The following ADAMTS6 variants were observed in gnomAD, a reference collection of about 807,000 sequenced individuals.
The protein encoded by ADAMTS6 is A disintegrin and metalloproteinase with thrombospondin motifs 6.
Under a neutral mutation model 144.3 loss-of-function variants are expected in ADAMTS6, and 23 were observed. The observed-to-expected ratio is 0.16, with a 90% CI of 0.11 to 0.23. The LOEUF (loss-of-function observed/expected upper bound fraction) is 0.23, where lower values mean the gene tolerates loss of function less well. Ranked by LOEUF, ADAMTS6 falls within the 10% of genes least tolerant of loss-of-function variation. The pLI is 1.00. For synonymous variants in ADAMTS6, 444 were observed against 457.5 expected, an observed-to-expected ratio of 0.97 and a Z score of 0.38; for missense variants, 999 against 1,379.6, an observed-to-expected ratio of 0.72 and a Z score of 4.37.
intron 15 of ADAMTS6, 70 bp from the exon 16 acceptor site, chr5:65,226,289 A>G: frequency 6.7e-7 from 1 of 1,496,820 alleles, no homozygotes; most frequent in Non-Finnish European, 9.1e-7. Flanking sequence ...AGTATTATCT[A>G]TGGCAAATTT....
chr5:65,466,451 C>T (rs1022119465), intron 3 of ADAMTS6, among the ~76,000 whole-genome samples: 1 of 152,176 alleles, frequency 6.6e-6, no homozygotes, highest in Admixed American at 6.5e-5. Flanking sequence ...CACTACCCAA[C>T]GTATTATAGT....
At chr5:65,432,539 A>C (rs534384695) in intron 7 of ADAMTS6, among the ~76,000 whole-genome samples, 5 of 151,780 alleles carry the variant, frequency 3.3e-5, no homozygotes, top group Non-Finnish European at 5.9e-5. Flanking sequence ...CACACACACA[A>C]AATCTATTCT....
chr5:65,393,816 G>T (rs886536270), intron 7 of ADAMTS6, among the ~76,000 whole-genome samples: 2 of 152,188 alleles, frequency 1.3e-5, no homozygotes, highest in Non-Finnish European at 2.9e-5. Context: ...TTTCCAAAAT[G>T]ATGTTGATTT....
chr5:65,231,101 TA>T (rs79867757), intron 15 of ADAMTS6, among the ~76,000 whole-genome samples: 12 of 151,050 alleles, frequency 7.9e-5, no homozygotes, highest in South Asian at 4.2e-4. Context: ...GAATTTTTTT[TA>T]AAAAAAAACA....
chr5:65,408,640 C>T (rs901720541), intron 7 of ADAMTS6, among the ~76,000 whole-genome samples: 1 of 152,126 alleles, frequency 6.6e-6, no homozygotes, highest in African/African-American at 2.4e-5. Flanking sequence ...AGCTCTGCAC[C>T]AAGCAGACCT....
chr5:65,239,138 A>G (rs573813883), intron 15 of ADAMTS6, among the ~76,000 whole-genome samples: 2 of 152,088 alleles, frequency 1.3e-5, no homozygotes, highest in African/African-American at 2.4e-5. Flanking sequence ...GAGGGGGGAG[A>G]GATAGCATTA....
chr5:65,369,818 T>C (rs913547681), intron 7 of ADAMTS6, among the ~76,000 whole-genome samples: 3 of 152,176 alleles, frequency 2.0e-5, no homozygotes, highest in Admixed American at 6.5e-5. Flanking sequence ...ATTGATACAT[T>C]TTCTCTTGCT....
chr5:65,196,166 C>T (rs554203905), intron 21 of ADAMTS6, among the ~76,000 whole-genome samples: 13 of 152,160 alleles, frequency 8.5e-5, no homozygotes, highest in Non-Finnish European at 1.8e-4. Flanking sequence ...TGCCTTACAA[C>T]AACAGAACTT....
chr5:65,182,538 C>T (rs1359533012), intron 22 of ADAMTS6, among the ~76,000 whole-genome samples: 1 of 150,760 alleles, frequency 6.6e-6, no homozygotes, highest in Non-Finnish European at 1.5e-5. Context: ...ATGTAATAAT[C>T]TACCTAATCC....
chr5:65,190,754 C>T (rs1434248725), intron 21 of ADAMTS6, among the ~76,000 whole-genome samples: 5 of 152,036 alleles, frequency 3.3e-5, no homozygotes, highest in African/African-American at 9.7e-5. Flanking sequence ...GTATTAATCA[C>T]CCTCCCAATT....
At chr5:65,323,308 T>A (rs1745815386) in intron 9 of ADAMTS6, among the ~76,000 whole-genome samples, 1 of 128,464 alleles carries the variant, frequency 7.8e-6, no homozygotes, top group Admixed American at 9.4e-5. Context: ...GATGTTCCCC[T>A]TCCTGTGTCC....
chr5:65,442,666 T>A (rs1757955057), intron 7 of ADAMTS6, among the ~76,000 whole-genome samples: 1 of 152,096 alleles, frequency 6.6e-6, no homozygotes. Context: ...AAATGACATC[T>A]AACTATATAT....
At chr5:65,458,185 GT>G (rs1759368990) in intron 4 of ADAMTS6, among the ~76,000 whole-genome samples, 1 of 152,066 alleles carries the variant, frequency 6.6e-6, no homozygotes, top group Non-Finnish European at 1.5e-5. Context: ...TTAATTTCAT[GT>G]TTTAAGTAGA....
intron 22 of ADAMTS6, among the ~76,000 whole-genome samples, chr5:65,179,958 GCA>G (rs57687665): frequency 1.7e-3 from 71 of 42,370 alleles, no homozygotes; most frequent in South Asian, 5.4e-3. Flanking sequence ...GCACGCACGC[GCA>G]CACACACACA....
intron 11 of ADAMTS6, among the ~76,000 whole-genome samples, chr5:65,275,379 GAAAGAAAGAA>G (rs1263841876): frequency 7.8e-6 from 1 of 127,518 alleles, no homozygotes; most frequent in Non-Finnish European, 1.7e-5. Context: ...AAGAAAGAAA[GAAAGAAAGAA>G]AGAAAGAAAG....
At chr5:65,160,168 G>A (rs2111989878) in intron 24 of ADAMTS6, among the ~76,000 whole-genome samples, 1 of 152,248 alleles carries the variant, frequency 6.6e-6, no homozygotes, top group Non-Finnish European at 1.5e-5. Context: ...ATCCTGCCCT[G>A]TCTTGGGGTA....
intron 9 of ADAMTS6, among the ~76,000 whole-genome samples, chr5:65,323,974 T>C (rs566997471): frequency 5.9e-5 from 9 of 152,328 alleles, no homozygotes; most frequent in Non-Finnish European, 8.8e-5. Context: ...TGTTTGTTTT[T>C]TTCTTGTAAA....
intron 18 of ADAMTS6, among the ~76,000 whole-genome samples, chr5:65,218,326 T>C (rs1757075942): frequency 6.6e-6 from 1 of 150,978 alleles, no homozygotes; most frequent in Admixed American, 6.6e-5. Flanking sequence ...AAAGCAAACA[T>C]CAAAAGGATC....
At chr5:65,461,032 T>G (rs12187081) in intron 3 of ADAMTS6, among the ~76,000 whole-genome samples, 44,504 of 151,966 alleles carry the variant, frequency 0.29, 7,418 homozygotes, top group South Asian at 0.39. Flanking sequence ...AGTAACAGGC[T>G]CAGAGGACTT....
Sources: gnomAD v4.1 joint callset for allele counts (sites outside exome capture counted in the v4.1 genomes callset) on GRCh38, gnomAD v4.1.1 for gene constraint, MANE v1.5 for transcripts, NCBI Gene and HGNC (gene_info 2026-07-23, HGNC 2026-07-21) for gene names.